Variants in CCNQ observed in about 807,000 individuals in gnomAD.
CCNQ encodes cyclin Q.
In CCNQ, 3 loss-of-function variants were observed where a neutral mutation model predicts 17.7. That is an observed-to-expected ratio of 0.17 (90% CI 0.08 to 0.44). CCNQ has a LOEUF of 0.44. Ranked by LOEUF, CCNQ falls within the 20% of genes least tolerant of loss-of-function variation. The probability of loss-of-function intolerance (pLI) is 0.99; values close to 1 mark genes in which losing one functional copy is unlikely to be tolerated. For synonymous variants in CCNQ, 73 were observed against 96.0 expected (o/e 0.76, Z 1.40); for missense variants, 146 against 222.6 (o/e 0.66, Z 2.19).
rs1433697266 is a variant in CCNQ, at chrX:153,599,050, T to G, written c.24A>C (p.Gly8=). The G allele has an allele frequency of 9.4e-7, 1 of 1,063,480 alleles. No homozygotes were observed. The highest frequency in any genetic ancestry group is 1.2e-6 in the Non-Finnish European group (1 of 823,419). The allele number at this position is 1,063,480 out of a possible 1,213,427, so 87.6% of individuals were successfully genotyped here. Residue 8 remains glycine (G), a synonymous_variant, in exon 1 of 5, where the codon GGA becomes GGC. Transcript: ENST00000576892. Reference sequence around the variant, plus strand: ...CCGGGCCCCGCGCTGCAGGCCCCCCTCCGCCGCCCTCCGGGGCTTCCATGA... The same window carrying G: ...CCGGGCCCCGCGCTGCAGGCCCCCCGCCGCCGCCCTCCGGGGCTTCCATGA... MEAPEGG[G]GGPAARGPEG...
intron 1 of CCNQ, among the ~76,000 whole-genome samples, chrX:153,598,117 T>A (rs1251088032): frequency 9.0e-6 from 1 of 110,970 alleles, no homozygotes; most frequent in African/African-American, 3.3e-5. Context: ...GTATCTCCTA[T>A]CAAGATACTG....
chrX:153,597,300 A>C (rs1455885555), intron 1 of CCNQ: 1 of 112,448 alleles, frequency 8.9e-6, no homozygotes, highest in Non-Finnish European at 1.9e-5. Flanking sequence ...CACTTAAACA[A>C]CACACATTTA....
rs377148166 is a variant in CCNQ at position 153,592,745 on chromosome X, C to G, written c.430-12G>C. ...TAGTGGAGCAGGTACTGCAAAGACACGTGTGTCAGCCTTTAGGCCCACCAG... is the reference window on the plus strand; with the variant it reads ...TAGTGGAGCAGGTACTGCAAAGACAGGTGTGTCAGCCTTTAGGCCCACCAG... On this transcript the variant is annotated splice_polypyrimidine_tract_variant and intron_variant, in intron 3 of 4. Transcript: ENST00000576892. 8.4e-7 allele frequency: 1 copy of G among 1,193,518 alleles called. No individual in the cohort carries two copies. Among genetic ancestry groups the G allele is most frequent in the Non-Finnish European group, 1.1e-6 (1 of 882,224 alleles).
chrX:153,598,407 C>A (rs1420283040), intron 1 of CCNQ, among the ~76,000 whole-genome samples: 1 of 105,876 alleles, frequency 9.4e-6, no homozygotes, highest in Non-Finnish European at 1.9e-5. Context: ...CAGAGCGAGA[C>A]TCCGTCTCGA....
At chrX:153,597,527 G>A (rs782780586) in intron 1 of CCNQ, 17 of 111,671 alleles carry the variant, frequency 1.5e-4, no homozygotes, top group African/African-American at 5.5e-4. Context: ...TTCTCTGACG[G>A]TGACTCCTCC....
chrX:153,594,436 C>T, intron 3 of CCNQ, 111 bp downstream of exon 3: 1 of 1,026,207 alleles, frequency 9.7e-7, no homozygotes, highest in Non-Finnish European at 1.4e-6. Context: ...CGCAGCCCTG[C>T]TCTCCTTCTG....
At chrX:153,595,920 C>T (rs2091024212) in intron 2 of CCNQ, 84 bp downstream of exon 2, 3 of 1,100,029 alleles carry the variant, frequency 2.7e-6, no homozygotes, top group South Asian at 1.8e-5. Flanking sequence ...ATTGCTGGCA[C>T]CTGGTGGGCA....
chrX:153,598,388 C>T (rs1454211160), intron 1 of CCNQ, among the ~76,000 whole-genome samples: 1 of 110,855 alleles, frequency 9.0e-6, no homozygotes. Flanking sequence ...TGCACTCCAG[C>T]CTGGCCAACA....
intron 4 of CCNQ, among the ~76,000 whole-genome samples, chrX:153,590,445 C>T (rs956229738): frequency 1.8e-5 from 2 of 109,834 alleles, no homozygotes; most frequent in Non-Finnish European, 3.8e-5. Context: ...GATTCCACTC[C>T]TGTGAGGGGC....
chrX:153,593,509 G>GC (rs2091006587), intron 3 of CCNQ, among the ~76,000 whole-genome samples: 1 of 111,679 alleles, frequency 9.0e-6, no homozygotes, highest in Non-Finnish European at 1.9e-5. Context: ...AGCCACCAGG[G>GC]CATCTCCCAC....
chrX:153,588,032 G>A lies in CCNQ; in HGVS notation c.*333C>T, dbSNP rs782345588. 1.8e-5 allele frequency: 7 copies of A among 396,082 alleles called. No individual in the cohort carries two copies. Among genetic ancestry groups the A allele is most frequent in the South Asian group, 1.0e-4 (3 of 29,465 alleles). The allele number at this position is 396,082 out of a possible 1,213,427, so 32.6% of individuals were successfully genotyped here. A position where few individuals can be genotyped will look rare whatever the true frequency, so the allele number is the denominator to read the frequency against. ...AAATCCGTAGGGATTCAGTCTCATC[G>A]ATTTCATGACTTTCCTTTCATTGAT... On this transcript the variant is annotated 3_prime_UTR_variant, in exon 5 of 5. Coordinates refer to ENST00000576892, the MANE Select transcript of CCNQ (RefSeq NM_152274.5).
At chrX:153,592,908 C>T (rs2091002370) in intron 3 of CCNQ, among the ~76,000 whole-genome samples, 175 bp from the exon 4 acceptor site, 1 of 112,142 alleles carries the variant, frequency 8.9e-6, no homozygotes, top group Non-Finnish European at 1.9e-5. Context: ...CCAGCAAACC[C>T]CATCTAGGGC....
chrX:153,592,663 G>T lies in CCNQ; in HGVS notation c.500C>A (p.Ala167Asp). Residue 167 changes from alanine (A) to aspartate (D), a missense_variant, in exon 4 of 5, where the codon GCC (alanine) becomes GAC (aspartate). Ala to Asp is a moderately radical substitution (Grantham distance 126, BLOSUM62 -2). Coordinates refer to ENST00000576892, the MANE Select transcript of CCNQ (RefSeq NM_152274.5). ...CCGCAGCAGGGCCCAGGCGGTGACGGCAACAGGGGTCCGCTGCCAGCTGTG... is the reference window on the plus strand; with the variant it reads ...CCGCAGCAGGGCCCAGGCGGTGACGTCAACAGGGGTCCGCTGCCAGCTGTG... ...NRHSWQRTPV[A>D]VTAWALLRDS... The T allele has an allele frequency of 8.3e-7, 1 of 1,211,472 alleles. No homozygotes were observed. The highest frequency in any genetic ancestry group is 1.1e-6 in the Non-Finnish European group (1 of 895,197).
chrX:153,598,898 C>T (rs1286764028), intron 1 of CCNQ, 64 bp downstream of exon 1: 48 of 869,306 alleles, frequency 5.5e-5, no homozygotes, highest in Non-Finnish European at 7.1e-5. Context: ...GCCTGGCCAG[C>T]CGGGCCCGCT....
At chrX:153,590,210 A>G (rs1365296531) in intron 4 of CCNQ, among the ~76,000 whole-genome samples, 1 of 81,023 alleles carries the variant, frequency 1.2e-5, no homozygotes, top group Non-Finnish European at 2.3e-5. Flanking sequence ...CCTGGGCAAT[A>G]GAGTGAGACT....
intron 4 of CCNQ, among the ~76,000 whole-genome samples, chrX:153,590,231 T>TTAAA (rs1172483156): frequency 7.6e-5 from 2 of 26,456 alleles, no homozygotes; most frequent in Non-Finnish European, 1.2e-4. Flanking sequence ...CTGTCTCTAT[T>TTAAA]AAAAAAAAAA....
In CCNQ at chrX:153,593,647, C is replaced by T. The variant is rs782599585; in HGVS notation, c.429+900G>A. 3.6e-5 allele frequency among the ~76,000 whole-genome samples: 4 copies of T among 112,300 alleles called. No homozygotes were observed. In the East Asian group the frequency reaches 1.1e-3, roughly 31 times the overall value. Reference sequence around the variant, plus strand: ...TGGAGGCAAGATTATAAAGGCAACACGAAGGGCCCATGCGGGTGGAACCGT... The same window carrying T: ...TGGAGGCAAGATTATAAAGGCAACATGAAGGGCCCATGCGGGTGGAACCGT... On this transcript the variant is annotated intron_variant, in intron 3 of 4. Transcript: ENST00000576892.
chrX:153,597,510 C>A (rs1031864809), intron 1 of CCNQ: 23 of 111,844 alleles, frequency 2.1e-4, no homozygotes, highest in African/African-American at 6.8e-4. Context: ...TCTGTCCTCA[C>A]GTGGCCTTCT....
rs1569536661 is a variant in CCNQ at position 153,588,311 on chromosome X, C to G, written c.*54G>C. The G allele has an allele frequency of 9.8e-7, 1 of 1,016,685 alleles. No individual in the cohort carries two copies. Among genetic ancestry groups the G allele is most frequent in the Non-Finnish European group, 1.4e-6 (1 of 717,243 alleles). The allele number at this position is 1,016,685 out of a possible 1,213,427, so 83.8% of individuals were successfully genotyped here. ...CGTCATGGCGACGTGGTGACAATGT[C>G]CCCAGGCAGCCGACCATCCTGGGCT... On this transcript the variant is annotated 3_prime_UTR_variant, in exon 5 of 5. Transcript: ENST00000576892.
Sources: gnomAD v4.1 joint callset for allele counts (sites outside exome capture counted in the v4.1 genomes callset) on GRCh38, gnomAD v4.1.1 for gene constraint, MANE v1.5 for transcripts, NCBI Gene and HGNC (gene_info 2026-07-23, HGNC 2026-07-21) for gene names.